UGGT1: variants seen among roughly 807,000 people sequenced by gnomAD.
UGGT1 encodes the protein UDP-glucose glycoprotein glucosyltransferase 1.
In UGGT1, 107 loss-of-function variants were observed where a neutral mutation model predicts 203.9. That is an observed-to-expected ratio of 0.52 (90% CI 0.45 to 0.62). UGGT1 has a LOEUF of 0.62. Among genes scored for constraint, UGGT1 ranks in the 20% least tolerant of loss-of-function variants. UGGT1 has a pLI of 0.00. For synonymous variants in UGGT1, 628 were observed against 653.5 expected (o/e 0.96, Z 0.59); for missense variants, 1,673 against 1,867.2 (o/e 0.90, Z 1.92).
At chr2:128,142,996 AT>A in intron 16 of UGGT1, 97 bp from the exon 17 acceptor site, 1 of 1,275,340 alleles carries the variant, frequency 7.8e-7, no homozygotes, top group South Asian at 1.8e-5. Context: ...AAAAAGAAAA[AT>A]AAGTATATTT....
chr2:128,100,712 G>A (rs748682282), intron 2 of UGGT1, among the ~76,000 whole-genome samples: 2 of 151,604 alleles, frequency 1.3e-5, no homozygotes, highest in Non-Finnish European at 2.9e-5. Flanking sequence ...GTGAGCCACC[G>A]CGCCAGGCCT....
At chr2:128,109,872 G>C in intron 5 of UGGT1, 126 bp downstream of exon 5, 1 of 676,872 alleles carries the variant, frequency 1.5e-6, no homozygotes, top group Non-Finnish European at 2.5e-6. Flanking sequence ...ATGGCTTCTG[G>C]AACCAGACTG....
At chr2:128,122,782 A>C (rs1688441490) in intron 10 of UGGT1, among the ~76,000 whole-genome samples, 1 of 152,232 alleles carries the variant, frequency 6.6e-6, no homozygotes. Flanking sequence ...ATTCTCATTT[A>C]GTCCAGCTGC....
intron 2 of UGGT1, chr2:128,103,223 A>C (rs1687460229): frequency 2.6e-6 from 1 of 390,660 alleles, no homozygotes; most frequent in Admixed American, 3.3e-5. Flanking sequence ...GGCTCAGAGG[A>C]GAAGATAAGC....
chr2:128,134,078 C>T (rs1239697226), intron 14 of UGGT1, among the ~76,000 whole-genome samples: 2 of 152,138 alleles, frequency 1.3e-5, no homozygotes, highest in Non-Finnish European at 2.9e-5. Flanking sequence ...GCTCTGTTGC[C>T]CAGGCTGGAG....
At chr2:128,157,123 T>C (rs1358438722) in intron 21 of UGGT1, 129 bp from the exon 22 acceptor site, 1 of 687,082 alleles carries the variant, frequency 1.5e-6, no homozygotes, top group Admixed American at 2.7e-5. Flanking sequence ...TCTATCTTTA[T>C]TAAGCTTGTC....
At chr2:128,126,684 C>CTTTTTT (rs61353741) in intron 11 of UGGT1, among the ~76,000 whole-genome samples, 21 of 119,682 alleles carry the variant, frequency 1.8e-4, no homozygotes, top group Non-Finnish European at 2.3e-4. Flanking sequence ...CAGGGTCAGT[C>CTTTTTT]TTTTTTTTTT....
chr2:128,106,960 A>G lies in UGGT1; in HGVS notation c.278-978A>G, dbSNP rs766487984. 1.6e-4 allele frequency among the ~76,000 whole-genome samples: 24 copies of G among 152,176 alleles called. No individual in the cohort carries two copies. In the South Asian group the frequency reaches 3.3e-3, roughly 21 times the overall value. The stretch of plus-strand genomic sequence containing the variant: ...GGCCTCCTAAAGTTTTGGGATTACA[A>G]GCAAGAGCCACTGTGCTTGTCCTTT... On this transcript the variant is annotated intron_variant, in intron 3 of 40. Transcript: ENST00000259253.
chr2:128,152,719 A>G, intron 18 of UGGT1, 65 bp from the exon 19 acceptor site: 4 of 1,556,096 alleles, frequency 2.6e-6, no homozygotes, highest in Non-Finnish European at 3.5e-6. Context: ...TTTGGTTCCT[A>G]ATGAATTATT....
intron 11 of UGGT1, among the ~76,000 whole-genome samples, chr2:128,125,942 CTTTT>C (rs34988352): frequency 2.3e-5 from 3 of 131,862 alleles, no homozygotes; most frequent in Non-Finnish European, 3.3e-5. Context: ...TAAATATATA[CTTTT>C]TTTTTTTTTT....
chr2:128,108,300 A>G (rs938984990), intron 4 of UGGT1, among the ~76,000 whole-genome samples: 2 of 152,224 alleles, frequency 1.3e-5, no homozygotes, highest in Non-Finnish European at 2.9e-5. Context: ...GCAATATTTT[A>G]TTTATGCATT....
At chr2:128,120,995 T>G (rs1213226591) in intron 9 of UGGT1, among the ~76,000 whole-genome samples, 1 of 152,168 alleles carries the variant, frequency 6.6e-6, no homozygotes, top group African/African-American at 2.4e-5. Context: ...TCTGCAGATA[T>G]ATCAGAAACG....
chr2:128,159,443 C>G (rs564728772), intron 22 of UGGT1, 71 bp from the exon 23 acceptor site: 2 of 1,363,850 alleles, frequency 1.5e-6, no homozygotes, highest in African/African-American at 2.9e-5. Context: ...TTGAACATGA[C>G]TGATGTTAAT....
Position 128,157,736 on chromosome 2 carries a change from G to A in UGGT1, c.2355+390G>A, listed in dbSNP as rs376241868. Among the ~76,000 whole-genome samples, 11 of 152,302 alleles carry A rather than the reference G, an allele frequency of 7.2e-5. No homozygotes were observed. The East Asian group carries it at 1.2e-3, about 16-fold the overall frequency. On this transcript the variant is annotated intron_variant, in intron 22 of 40. Coordinates refer to ENST00000259253, the MANE Select transcript of UGGT1 (RefSeq NM_020120.4). ...GGGGCAGTAGCACACAGGAATGGTA[G>A]TGTGTGTGTTTAGTAGAAGTAGATC...
intron 2 of UGGT1, 21 bp from the exon 3 acceptor site, chr2:128,103,911 A>G: frequency 1.9e-6 from 3 of 1,561,900 alleles, no homozygotes; most frequent in Non-Finnish European, 2.6e-6. Flanking sequence ...AAGTTGTTTT[A>G]TTTCTGATCT....
Position 128,160,584 on chromosome 2 carries a change from A to G in UGGT1, c.2687A>G (p.Asn896Ser). 2.5e-6 allele frequency: 4 copies of G among 1,611,856 alleles called. No homozygotes were observed. Among genetic ancestry groups the G allele is most frequent in the Non-Finnish European group, 2.5e-6 (3 of 1,178,860 alleles). Residue 896 changes from asparagine to serine, a missense_variant, in exon 24 of 41, where the codon AAT (asparagine) becomes AGT (serine). Around this residue, in one of 4 missense-constraint regions of UGGT1, gnomAD observed 1,073 missense variants for 1,078.7 expected, o/e 0.99. Transcript: ENST00000259253. The part of the protein sequence containing the change: ...LKKGQRAVIS[N>S]GRIIGPLEDS... ...AAGGGACAGAGGGCAGTGATCAGCAATGGAAGGGTGAGGATTTGTCAAGCT... is the reference window on the plus strand; with the variant it reads ...AAGGGACAGAGGGCAGTGATCAGCAGTGGAAGGGTGAGGATTTGTCAAGCT...
At position 128,189,742 on chromosome 2, in the gene UGGT1, A is replaced by T; in HGVS notation, c.4668A>T (p.Ter1556CysextTer20). Residue 1556 changes from the stop codon to cysteine (C), a stop_lost, in exon 41 of 41, where the codon TGA becomes TGT. Transcript: ENST00000259253. The part of the protein sequence containing the change: ...REGPQKREEL[*>C] ...GTCCTCAGAAACGTGAAGAATTATG[A>T]TCTCTGGAGAAGGACAGGAAATCAC... 1 of 1,613,004 alleles carries T rather than the reference A, an allele frequency of 6.2e-7. No homozygotes were observed. Among genetic ancestry groups the T allele is most frequent in the Non-Finnish European group, 8.5e-7 (1 of 1,179,386 alleles).
intron 33 of UGGT1, 121 bp downstream of exon 33, chr2:128,178,041 A>G: frequency 1.3e-6 from 1 of 786,586 alleles, no homozygotes; most frequent in Non-Finnish European, 2.0e-6. Flanking sequence ...TTGTGCAGCT[A>G]CATCTCACAC....
At position 128,092,321 on chromosome 2, in the gene UGGT1, C is replaced by CTTATTTATTTATTTATTTAT. The variant is rs143592868; in HGVS notation, c.58+913_58+932dup. The stretch of plus-strand genomic sequence containing the variant: ...AGCTGAAGCTTATTTTAAAAAAATT[C>CTTATTTATTTATTTATTTAT]TTATTTATTTATTTATTTATTTATT... On this transcript the variant is annotated intron_variant, in intron 1 of 40. Transcript: ENST00000259253. 1.4e-3 allele frequency among the ~76,000 whole-genome samples: 204 copies of CTTATTTATTTATTTATTTAT among 145,534 alleles called. 1 individual carries two copies. The highest frequency in any genetic ancestry group is 3.5e-3 in the Middle Eastern group (1 of 282).
Sources: allele counts gnomAD v4.1 joint callset (sites outside exome capture counted in the v4.1 genomes callset), GRCh38; gene constraint gnomAD v4.1.1; regional missense constraint gnomAD v4.1.1; transcripts MANE v1.5; gene names NCBI Gene and HGNC (gene_info 2026-07-23, HGNC 2026-07-21).